Variants in SNX30 observed in about 807,000 individuals in gnomAD.
The protein encoded by SNX30 is sorting nexin-30.
Under a neutral mutation model 46.4 loss-of-function variants are expected in SNX30, and 24 were observed. The ratio of observed to expected loss-of-function variants is 0.52; its 90% CI spans 0.37 to 0.73. The LOEUF is 0.73. SNX30 is among the 30% of genes least tolerant of loss of function. The pLI is 0.00. For missense variants in SNX30, 533 were observed against 555.7 expected (o/e 0.96, Z 0.41); for synonymous variants, 189 against 211.5 (o/e 0.89, Z 0.92).
At chr9:112,752,020 A>G (rs1190816293) in intron 1 of SNX30, among the ~76,000 whole-genome samples, 1 of 152,190 alleles carries the variant, frequency 6.6e-6, no homozygotes, top group Non-Finnish European at 1.5e-5. Context: ...CACTAACTGC[A>G]GAAATTAGAA....
rs1840425387 is a variant in SNX30, at chr9:112,817,816, G to A, written c.459+1G>A. 4.4e-6 allele frequency: 7 copies of A among 1,598,578 alleles called. No individual in the cohort carries two copies. Among genetic ancestry groups the A allele is most frequent in the Non-Finnish European group, 6.0e-6 (7 of 1,165,776 alleles). The stretch of plus-strand genomic sequence containing the variant: ...ATCCCAGCCCACTCATCTCATTCCC[G>A]TAGGTAGTAAGTCACTACAGCTTGT... On this transcript the variant is annotated splice_donor_variant, in intron 3 of 8. Transcript: ENST00000374232. LOFTEE classifies it high-confidence loss of function.
At chr9:112,774,205 T>G (rs764654554) in intron 1 of SNX30, among the ~76,000 whole-genome samples, 75 of 152,172 alleles carry the variant, frequency 4.9e-4, no homozygotes, top group Non-Finnish European at 9.0e-4. Flanking sequence ...TCTCTTCTTC[T>G]ACCCCAAGAT....
At chr9:112,788,602 C>T (rs140081139) in intron 1 of SNX30, among the ~76,000 whole-genome samples, 12 of 152,318 alleles carry the variant, frequency 7.9e-5, no homozygotes, top group East Asian at 3.9e-4. Flanking sequence ...ATGCTTGTTA[C>T]GTATAAGACT....
intron 3 of SNX30, among the ~76,000 whole-genome samples, chr9:112,824,880 G>GTGTTGTACGACCATCACCACCATTGA (rs1564281959): frequency 4.6e-5 from 7 of 152,172 alleles, no homozygotes; most frequent in Non-Finnish European, 1.0e-4. Flanking sequence ...GTACATTCAC[G>GTGTTGTACGACCATCACCACCATTGA]GTGTTGTACG....
intron 6 of SNX30, among the ~76,000 whole-genome samples, chr9:112,850,238 G>T (rs1240364477): frequency 6.6e-6 from 1 of 152,198 alleles, no homozygotes; most frequent in Non-Finnish European, 1.5e-5. Flanking sequence ...AGGAATTCTG[G>T]ACTTGCACAG....
rs1485012163 is a variant in SNX30 at position 112,870,169 on chromosome 9, T to C, written c.*1326T>C. 1 of 152,152 alleles carries C rather than the reference T, an allele frequency of 6.6e-6. No individual in the cohort carries two copies. The highest frequency in any genetic ancestry group is 1.5e-5 in the Non-Finnish European group (1 of 68,014). The allele number at this position is 152,152 out of a possible 1,614,324, so 9.4% of individuals were successfully genotyped here. On this transcript the variant is annotated 3_prime_UTR_variant, in exon 9 of 9. Coordinates refer to ENST00000374232, the MANE Select transcript of SNX30 (RefSeq NM_001012994.2). The stretch of plus-strand genomic sequence containing the variant: ...AGTCACCAAGGATCTGTCTTCCAAC[T>C]CTTTTTTTTTTCTGCTGAAATGAAG...
chr9:112,804,289 C>T (rs1463102898), intron 1 of SNX30, among the ~76,000 whole-genome samples: 7 of 152,250 alleles, frequency 4.6e-5, no homozygotes, highest in East Asian at 1.9e-4. Flanking sequence ...CTCAGCTTCC[C>T]GAGTAGCTGG....
At chr9:112,852,251 C>G (rs201057523) in intron 7 of SNX30, among the ~76,000 whole-genome samples, 1 of 54,100 alleles carries the variant, frequency 1.8e-5, no homozygotes, top group Admixed American at 2.0e-4. Flanking sequence ...GAGACCCTAT[C>G]TTAAAAAAAA....
chr9:112,778,043 TG>T (rs1284027729), intron 1 of SNX30, among the ~76,000 whole-genome samples: 1 of 152,086 alleles, frequency 6.6e-6, no homozygotes, highest in African/African-American at 2.4e-5. Context: ...TGCAGTCAAC[TG>T]GAGGTTCATT....
At chr9:112,794,498 A>G (rs1161603162) in intron 1 of SNX30, among the ~76,000 whole-genome samples, 2 of 152,178 alleles carry the variant, frequency 1.3e-5, no homozygotes, top group African/African-American at 2.4e-5. Flanking sequence ...AGGGGGGTAA[A>G]TTAAGAAAAG....
intron 6 of SNX30, among the ~76,000 whole-genome samples, chr9:112,840,039 G>A (rs1250902456): frequency 6.6e-6 from 1 of 152,232 alleles, no homozygotes; most frequent in East Asian, 1.9e-4. Context: ...GTCCCATCAG[G>A]TGTGAAGGGT....
intron 1 of SNX30, among the ~76,000 whole-genome samples, chr9:112,767,653 G>A (rs1839567360): frequency 6.6e-6 from 1 of 151,988 alleles, no homozygotes; most frequent in Admixed American, 6.6e-5. Flanking sequence ...GCAGTGATGC[G>A]ATCTCGGCTC....
In SNX30 at chr9:112,822,541, GTT is replaced by G. The variant is rs386415935; in HGVS notation, c.459+4737_459+4738del. On this transcript the variant is annotated intron_variant, in intron 3 of 8. Coordinates refer to ENST00000374232, the MANE Select transcript of SNX30 (RefSeq NM_001012994.2). ...TTTTGTCCCTTTGCTGTTTTGTTTTGTTTTTTTTTTTTGTAAGAACCTGTAAC... is the reference window on the plus strand; with the variant it reads ...TTTTGTCCCTTTGCTGTTTTGTTTTGTTTTTTTTTTGTAAGAACCTGTAAC... 5.9e-4 allele frequency among the ~76,000 whole-genome samples: 78 copies of G among 131,800 alleles called. 1 individual carries two copies. Among genetic ancestry groups the G allele is most frequent in the African/African-American group, 2.1e-3 (73 of 34,786 alleles). 86.5% of individuals were successfully genotyped at this position (131,800 alleles called of 152,430 possible).
intron 6 of SNX30, among the ~76,000 whole-genome samples, chr9:112,845,569 T>C (rs146500586): frequency 1.5e-3 from 226 of 152,302 alleles, no homozygotes; most frequent in Middle Eastern, 3.4e-3. Flanking sequence ...CTAGGCACAC[T>C]TGAGGGTGTT....
chr9:112,809,430 G>T (rs532788523), intron 2 of SNX30, among the ~76,000 whole-genome samples: 1 of 152,264 alleles, frequency 6.6e-6, no homozygotes, highest in African/African-American at 2.4e-5. Context: ...CAGCACTGTG[G>T]TCCAGTAGCA....
At chr9:112,832,844 A>AATT (rs1840690144) in intron 4 of SNX30, among the ~76,000 whole-genome samples, 1 of 146,866 alleles carries the variant, frequency 6.8e-6, no homozygotes, top group Admixed American at 6.9e-5. Flanking sequence ...ATATATTAAT[A>AATT]TATAATATAT....
intron 1 of SNX30, among the ~76,000 whole-genome samples, chr9:112,766,125 T>C (rs1839533688): frequency 6.6e-6 from 1 of 152,168 alleles, no homozygotes; most frequent in South Asian, 2.1e-4. Flanking sequence ...TTAGCAGATT[T>C]TAAGTATAAA....
intron 1 of SNX30, among the ~76,000 whole-genome samples, chr9:112,795,312 G>T (rs1210741877): frequency 6.6e-6 from 1 of 152,172 alleles, no homozygotes; most frequent in Non-Finnish European, 1.5e-5. Context: ...TCGGGGCTTA[G>T]ATTAAGAAGC....
At chr9:112,753,842 T>C (rs576678876) in intron 1 of SNX30, among the ~76,000 whole-genome samples, 1 of 152,364 alleles carries the variant, frequency 6.6e-6, no homozygotes, top group Non-Finnish European at 1.5e-5. Context: ...AATCTTGGCA[T>C]ACACGTATGG....
Sources: allele counts gnomAD v4.1 joint callset (sites outside exome capture counted in the v4.1 genomes callset), GRCh38; gene constraint gnomAD v4.1.1; transcripts MANE v1.5; gene names NCBI Gene and HGNC (gene_info 2026-07-23, HGNC 2026-07-21).